DMD: variants seen among roughly 807,000 people sequenced by gnomAD.
DMD encodes mutant dystrophin.
DMD carries 63 observed loss-of-function variants against 330.1 expected under a neutral mutation model. The ratio of observed to expected loss-of-function variants is 0.19; its 90% CI spans 0.16 to 0.24. The LOEUF is 0.24. Among genes scored for constraint, DMD ranks in the 10% least tolerant of loss-of-function variants. The probability of loss-of-function intolerance (pLI) is 1.00; values close to 1 mark genes in which losing one functional copy is unlikely to be tolerated. For missense variants in DMD, 3,344 were observed against 2,684.1 expected (o/e 1.25, Z -5.43); for synonymous variants, 1,223 against 959.8 (o/e 1.27, Z -5.07).
At chrX:33,200,654 CATT>C (rs1296012895) in intron 1 of DMD, among the ~76,000 whole-genome samples, 1 of 110,717 alleles carries the variant, frequency 9.0e-6, no homozygotes, top group Non-Finnish European at 1.9e-5. Flanking sequence ...ATCTTAGTGT[CATT>C]ATAGCAGTAA....
chrX:31,129,821 T>G (rs1396133902), intron 77 of DMD, among the ~76,000 whole-genome samples: 2 of 112,197 alleles, frequency 1.8e-5, no homozygotes, highest in Admixed American at 1.9e-4. Flanking sequence ...CCTTTGTTCT[T>G]TATGTTGCTC....
At chrX:32,163,050 A>T (rs769078230) in intron 44 of DMD, among the ~76,000 whole-genome samples, 1 of 111,331 alleles carries the variant, frequency 9.0e-6, no homozygotes, top group South Asian at 3.8e-4. Context: ...AAGATTTCAA[A>T]CCTAACAATT....
At chrX:32,087,713 C>A (rs188024969) in intron 44 of DMD, among the ~76,000 whole-genome samples, 3 of 112,157 alleles carry the variant, frequency 2.7e-5, no homozygotes, top group African/African-American at 9.7e-5. Context: ...GGTTTTCTCT[C>A]TCTTCAGCTT....
chrX:33,085,832 T>TA (rs1353925142), intron 1 of DMD: 1 of 111,844 alleles, frequency 8.9e-6, no homozygotes, highest in Non-Finnish European at 1.9e-5. Flanking sequence ...GAAACAACCA[T>TA]AAAACCCAGT....
intron 63 of DMD, among the ~76,000 whole-genome samples, chrX:31,231,743 G>A (rs1481288971): frequency 8.9e-6 from 1 of 111,811 alleles, no homozygotes; most frequent in Non-Finnish European, 1.9e-5. Flanking sequence ...AGCTGGATGC[G>A]GCGGCAGGCA....
intron 51 of DMD, among the ~76,000 whole-genome samples, chrX:31,737,023 A>T (rs1482293847): frequency 8.9e-6 from 1 of 112,238 alleles, no homozygotes; most frequent in Non-Finnish European, 1.9e-5. Context: ...TAAAAGTTTT[A>T]AATAAAAACT....
In DMD at chrX:32,382,461, A is replaced by C. The variant is rs2097930750; in HGVS notation, c.4675-1781T>G. Among the ~76,000 whole-genome samples, 3 of 111,598 alleles carry C rather than the reference A, an allele frequency of 2.7e-5. No homozygotes were observed. In the South Asian group the frequency reaches 1.1e-3, roughly 41 times the overall value. On this transcript the variant is annotated intron_variant, in intron 33 of 78. Transcript: ENST00000357033. ...ATAAAAATATGTATAAAGCATCTAA[A>C]ATGCTACAATCGAAATAAATATTCT...
intron 35 of DMD, 118 bp downstream of exon 35, chrX:32,364,902 A>G: frequency 2.4e-6 from 2 of 819,170 alleles, no homozygotes; most frequent in Non-Finnish European, 3.6e-6. Flanking sequence ...ATATTGAATT[A>G]AGAGCCAGCA....
At chrX:31,758,425 C>G (rs1422782240) in intron 51 of DMD, among the ~76,000 whole-genome samples, 1 of 111,170 alleles carries the variant, frequency 9.0e-6, no homozygotes, top group Non-Finnish European at 1.9e-5. Context: ...AGGTGCCCTC[C>G]TCACTACACT....
chrX:32,858,107 A>C (rs1434816168), intron 2 of DMD, among the ~76,000 whole-genome samples: 1 of 111,406 alleles, frequency 9.0e-6, no homozygotes, highest in African/African-American at 3.3e-5. Context: ...AATTTCTATT[A>C]GTCATATTCA....
rs60037076 is a variant in DMD at position 33,107,132 on chromosome X, T to C, written c.32-86932A>G. Among the ~76,000 whole-genome samples, 829 of 111,519 alleles carry C rather than the reference T, an allele frequency of 7.4e-3. 6 individuals carry two copies. Among genetic ancestry groups the C allele is most frequent in the African/African-American group, 0.026 (788 of 30,772 alleles). ...TTCAAGACCAGCCTGGCCAACATGG[T>C]GAAACCCCGTCTCTACTAAAAATAC... On this transcript the variant is annotated intron_variant, in intron 1 of 78. Transcript: ENST00000357033.
intron 44 of DMD, among the ~76,000 whole-genome samples, chrX:32,002,534 T>A (rs1454179845): frequency 8.9e-6 from 1 of 111,856 alleles, no homozygotes; most frequent in African/African-American, 3.2e-5. Flanking sequence ...TTTCAGTTTG[T>A]TAAGCCCATG....
chrX:32,389,727 A>T, intron 31 of DMD, 53 bp from the exon 32 acceptor site: 1 of 1,085,446 alleles, frequency 9.2e-7, no homozygotes, highest in Non-Finnish European at 1.3e-6. Context: ...TCAAACAATA[A>T]CTGGTCCTAT....
At chrX:33,145,927 G>A (rs1343275937) in intron 1 of DMD, among the ~76,000 whole-genome samples, 1 of 109,573 alleles carries the variant, frequency 9.1e-6, no homozygotes, top group Non-Finnish European at 1.9e-5. Context: ...TCGCTCTGTC[G>A]CCAGGCTGGA....
At chrX:31,321,603 A>AAAAAAAAAAAAAAAAAAAAAAG (rs2056429128) in intron 62 of DMD, among the ~76,000 whole-genome samples, 1 of 77,035 alleles carries the variant, frequency 1.3e-5, no homozygotes. Flanking sequence ...AAAAAAAAAA[A>AAAAAAAAAAAAAAAAAAAAAAG]AAAAAAAGAA....
At position 31,162,356 on chromosome X, in the gene DMD, T is replaced by TAAA. The variant is rs57908991; in HGVS notation, c.10553+7084_10553+7086dup. On this transcript the variant is annotated intron_variant, in intron 74 of 78. Coordinates refer to ENST00000357033, the MANE Select transcript of DMD (RefSeq NM_004006.3). ...AGGATGAGGGTCTTCATGAAAAATC[T>TAAA]AAAAAAAAAAAAAAAAAAAAAAGGG... Among the ~76,000 whole-genome samples the TAAA allele has an allele frequency of 2.0e-4, 10 of 50,618 alleles. 4 individuals carry two copies. The highest frequency in any genetic ancestry group is 3.3e-4 in the Non-Finnish European group (9 of 27,298). 44.0% of individuals were successfully genotyped at this position (50,618 alleles called of 115,157 possible). A position where few individuals can be genotyped will look rare whatever the true frequency, so the allele number is the denominator to read the frequency against.
chrX:31,267,006 CG>C, intron 62 of DMD: 1 of 715,213 alleles, frequency 1.4e-6, no homozygotes, highest in Non-Finnish European at 1.9e-6. Context: ...GCAGACGGGG[CG>C]GGGCCGTGTC....
rs765050803 is a variant in DMD at position 32,730,943 on chromosome X, G to A, written c.650-31650C>T. ...CGAATAGGAACAGCTCCGGTCTACA[G>A]CTCCCAGAGTGAGCGACGCAGAAGA... is the stretch of plus-strand genomic sequence containing the variant. On this transcript the variant is annotated intron_variant, in intron 7 of 78. Transcript: ENST00000357033. Among the ~76,000 whole-genome samples the A allele has an allele frequency of 2.7e-5, 3 of 111,928 alleles. No individual in the cohort carries two copies. The South Asian group carries it at 1.1e-3, about 42-fold the overall frequency.
intron 47 of DMD, among the ~76,000 whole-genome samples, chrX:31,913,938 G>C (rs16989948): frequency 0.1 from 11,311 of 111,340 alleles, 619 homozygotes; most frequent in African/African-American, 0.21. Context: ...AACAACCATT[G>C]CCTCCACTTC....
Sources: allele counts gnomAD v4.1 joint callset (sites outside exome capture counted in the v4.1 genomes callset), GRCh38; gene constraint gnomAD v4.1.1; transcripts MANE v1.5; gene names NCBI Gene and HGNC (gene_info 2026-07-23, HGNC 2026-07-21).